CCDC141: variants seen among roughly 807,000 people sequenced by gnomAD.
The protein encoded by CCDC141 is coiled-coil domain containing 141, also known as coiled-coil domain-containing protein 141.
In CCDC141, 168 loss-of-function variants were observed where a neutral mutation model predicts 181.0. The observed-to-expected ratio is 0.93, with a 90% CI of 0.82 to 1.05. The LOEUF is 1.05. Among genes scored for constraint, CCDC141 ranks in the 50% least tolerant of loss-of-function variants. The pLI, the probability that CCDC141 is intolerant of heterozygous loss-of-function variation, is 0.00. For synonymous variants in CCDC141, 666 were observed against 642.3 expected, an observed-to-expected ratio of 1.04 and a Z score of -0.56; for missense variants, 1,902 against 1,788.5, an observed-to-expected ratio of 1.06 and a Z score of -1.14.
chr2:179,039,116 G>A (rs140922517), intron 2 of CCDC141, among the ~76,000 whole-genome samples: 23 of 152,142 alleles, frequency 1.5e-4, no homozygotes, highest in South Asian at 4.2e-4. Context: ...AAATCTAGAC[G>A]CCTTTTGGGA....
rs554073528 is a variant in CCDC141, at chr2:178,831,469, T to C, written c.*2704A>G. Reference sequence around the variant, plus strand: ...ACACATGTAATTTTTAAACTTTCTTTTCATTTTAGTTTTCTTGTTGAAAAT... The same window carrying C: ...ACACATGTAATTTTTAAACTTTCTTCTCATTTTAGTTTTCTTGTTGAAAAT... On this transcript the variant is annotated 3_prime_UTR_variant, in exon 24 of 24. Coordinates refer to ENST00000443758, the MANE Select transcript of CCDC141 (RefSeq NM_173648.4). 7.2e-5 allele frequency: 11 copies of C among 152,340 alleles called. No individual in the cohort carries two copies. The highest frequency in any genetic ancestry group is 4.6e-4 in the Admixed American group (7 of 15,298). 9.4% of individuals were successfully genotyped at this position (152,340 alleles called of 1,614,324 possible).
chr2:178,825,741 C>T (rs1036767636), downstream of CCDC141, among the ~76,000 whole-genome samples: 1 of 151,536 alleles, frequency 6.6e-6, no homozygotes, highest in Non-Finnish European at 1.5e-5. Flanking sequence ...CAATTTCTTA[C>T]AGCCTGCCTT....
chr2:179,047,554 G>T, intron 1 of CCDC141, 148 bp from the exon 2 acceptor site: 1 of 644,610 alleles, frequency 1.6e-6, no homozygotes, highest in Non-Finnish European at 2.4e-6. Flanking sequence ...TTTCCATAGA[G>T]ATGGGGTTTA....
At chr2:178,973,355 A>G (rs1231077135) in intron 4 of CCDC141, among the ~76,000 whole-genome samples, 2 of 152,184 alleles carry the variant, frequency 1.3e-5, no homozygotes, top group Admixed American at 6.5e-5. Context: ...TATGTCATCA[A>G]GATGGAAGAA....
At chr2:178,961,112 G>T (rs17453473) in intron 5 of CCDC141, 118 bp downstream of exon 5, 16 of 324,480 alleles carry the variant, frequency 4.9e-5, no homozygotes, top group South Asian at 1.1e-4. Context: ...AAAGCTTTTT[G>T]GACCAAAGAC....
intron 3 of CCDC141, among the ~76,000 whole-genome samples, chr2:178,976,259 T>A (rs1691117979): frequency 6.6e-6 from 1 of 152,150 alleles, no homozygotes; most frequent in Non-Finnish European, 1.5e-5. Flanking sequence ...TGGATTGGGT[T>A]TAGAATAAAC....
rs533665236 is a variant in CCDC141 at position 178,833,847 on chromosome 2, C to T, written c.*326G>A. 3 of 219,180 alleles carry T rather than the reference C, an allele frequency of 1.4e-5. No homozygotes were observed. The highest frequency in any genetic ancestry group is 1.2e-4 in the South Asian group (1 of 8,510). 13.6% of individuals were successfully genotyped at this position (219,180 alleles called of 1,614,324 possible). A position where few individuals can be genotyped will look rare whatever the true frequency, so the allele number is the denominator to read the frequency against. On this transcript the variant is annotated 3_prime_UTR_variant, in exon 24 of 24. Coordinates refer to ENST00000443758, the MANE Select transcript of CCDC141 (RefSeq NM_173648.4). The stretch of plus-strand genomic sequence containing the variant: ...TTTGAAATTTAGCACATTTCTATGC[C>T]GATGTCAGCCTTCATCTGCACGCCC...
At chr2:179,011,847 A>G (rs1201939107) in intron 2 of CCDC141, among the ~76,000 whole-genome samples, 2 of 152,190 alleles carry the variant, frequency 1.3e-5, no homozygotes, top group African/African-American at 2.4e-5. Flanking sequence ...AAATACATGG[A>G]AATTAAATAA....
At chr2:178,943,683 T>C (rs905609426) in intron 6 of CCDC141, among the ~76,000 whole-genome samples, 2 of 152,096 alleles carry the variant, frequency 1.3e-5, no homozygotes, top group South Asian at 2.1e-4. Context: ...TCCCATCCCA[T>C]CTACTATGAC....
Position 178,878,012 on chromosome 2 carries a change from A to G in CCDC141, c.1851T>C (p.Ser617=). 6.2e-7 allele frequency: 1 copy of G among 1,613,694 alleles called. No homozygotes were observed. ...EKQWQLFLKK[S]FITQDLGLEF... ...CAAGCCCTAGATCTTGTGTTATAAA[A>G]CTCTTCTTTAAAAATAGCTGCCACT... Residue 617 remains serine (S), a synonymous_variant, in exon 12 of 24, where the codon AGT becomes AGC. Transcript: ENST00000443758.
At chr2:179,001,289 T>A (rs1409761580) in intron 2 of CCDC141, among the ~76,000 whole-genome samples, 1 of 152,162 alleles carries the variant, frequency 6.6e-6, no homozygotes, top group East Asian at 1.9e-4. Flanking sequence ...CTTAGGGACA[T>A]GAGAAGCACA....
At chr2:178,870,561 T>C (rs1686072759) in intron 14 of CCDC141, among the ~76,000 whole-genome samples, 3 of 152,254 alleles carry the variant, frequency 2.0e-5, no homozygotes, top group Admixed American at 6.5e-5. Context: ...CCAGTCACAT[T>C]TGCTGAGAGT....
intron 4 of CCDC141, among the ~76,000 whole-genome samples, chr2:178,968,675 G>C (rs752432228): frequency 2.0e-5 from 3 of 151,784 alleles, no homozygotes; most frequent in Non-Finnish European, 1.5e-5. Context: ...AAAATTAAAA[G>C]AACTAGAGAA....
intron 7 of CCDC141, among the ~76,000 whole-genome samples, chr2:178,908,564 A>G (rs1221254228): frequency 6.6e-6 from 1 of 152,190 alleles, no homozygotes; most frequent in East Asian, 1.9e-4. Context: ...ACTCCCTTAA[A>G]TCACCCTTAA....
intron 14 of CCDC141, among the ~76,000 whole-genome samples, chr2:178,869,910 A>G (rs980429339): frequency 6.6e-6 from 1 of 152,150 alleles, no homozygotes; most frequent in African/African-American, 2.4e-5. Flanking sequence ...CTGGAATAGA[A>G]TTTGCAAAAG....
At chr2:178,981,655 T>TATATATATATATATATATATATAC (rs1363397709) in intron 2 of CCDC141, among the ~76,000 whole-genome samples, 71 of 136,364 alleles carry the variant, frequency 5.2e-4, no homozygotes, top group African/African-American at 1.8e-3. Flanking sequence ...TATATATATA[T>TATATATATATATATATATATATAC]ATACATACAT....
rs1335819549 is a variant in CCDC141 at position 178,845,613 on chromosome 2, T to C, written c.3474+13A>G. 7.2e-7 allele frequency: 1 copy of C among 1,380,938 alleles called. No individual in the cohort carries two copies. Among genetic ancestry groups the C allele is most frequent in the Non-Finnish European group, 1.0e-6 (1 of 968,046 alleles). 85.5% of individuals were successfully genotyped at this position (1,380,938 alleles called of 1,614,324 possible). A position where few individuals can be genotyped will look rare whatever the true frequency, so the allele number is the denominator to read the frequency against. ...AAAGTCCTCAATAGCTGAGGTTAAGTAGTTTTCTTTACCTTATTCCTTTCT... is the reference window on the plus strand; with the variant it reads ...AAAGTCCTCAATAGCTGAGGTTAAGCAGTTTTCTTTACCTTATTCCTTTCT... On this transcript the variant is annotated intron_variant, in intron 22 of 23. Coordinates refer to ENST00000443758, the MANE Select transcript of CCDC141 (RefSeq NM_173648.4).
At chr2:178,932,195 G>A (rs942553333) in intron 6 of CCDC141, among the ~76,000 whole-genome samples, 2 of 152,036 alleles carry the variant, frequency 1.3e-5, no homozygotes, top group Admixed American at 6.6e-5. Context: ...ACACACACAT[G>A]CACACAAAAC....
intron 2 of CCDC141, chr2:179,002,470 G>T: frequency 2.4e-6 from 1 of 409,138 alleles, no homozygotes; most frequent in South Asian, 1.8e-5. Flanking sequence ...AGAGCTAGCA[G>T]AATCCACAAA....
Sources: allele counts gnomAD v4.1 joint callset (sites outside exome capture counted in the v4.1 genomes callset), GRCh38; gene constraint gnomAD v4.1.1; transcripts MANE v1.5; gene names NCBI Gene and HGNC (gene_info 2026-07-23, HGNC 2026-07-21).